The following PDGFRL variants were observed in gnomAD, a reference collection of about 807,000 sequenced individuals.
The protein encoded by PDGFRL is platelet derived growth factor receptor like.
PDGFRL carries 46 observed loss-of-function variants against 37.2 expected under a neutral mutation model. That is an observed-to-expected ratio of 1.24 (90% CI 0.98 to 1.58). The LOEUF is 1.58. PDGFRL is among the 40% of genes most tolerant of loss of function. The probability of loss-of-function intolerance (pLI) is 0.00; values close to 1 mark genes in which losing one functional copy is unlikely to be tolerated. For missense variants in PDGFRL, 692 were observed against 467.6 expected (o/e 1.48, Z -4.43); for synonymous variants, 251 against 184.3 (o/e 1.36, Z -2.93).
chr8:17,620,666 A>G (rs2588107), intron 2 of PDGFRL, among the ~76,000 whole-genome samples: 70,039 of 152,032 alleles, frequency 0.46, 16,475 homozygotes, highest in African/African-American at 0.58. Flanking sequence ...ATCACTGCAT[A>G]AAATATGAAA....
At chr8:17,579,927 G>A (rs1042574034) in intron 1 of PDGFRL, among the ~76,000 whole-genome samples, 2 of 152,080 alleles carry the variant, frequency 1.3e-5, no homozygotes, top group Non-Finnish European at 2.9e-5. Context: ...CATAGCACCT[G>A]ATTTTCAGCA....
intron 2 of PDGFRL, among the ~76,000 whole-genome samples, chr8:17,614,272 T>C (rs892632961): frequency 2.0e-5 from 3 of 152,224 alleles, no homozygotes; most frequent in African/African-American, 7.2e-5. Flanking sequence ...ATGCATATTT[T>C]TTCTTTCTTT....
chr8:17,584,806 C>G (rs987235402), intron 1 of PDGFRL, among the ~76,000 whole-genome samples: 1 of 151,060 alleles, frequency 6.6e-6, no homozygotes, highest in Non-Finnish European at 1.5e-5. Context: ...GTTCTTGGAT[C>G]TCGTGTAAGA....
intron 2 of PDGFRL, among the ~76,000 whole-genome samples, chr8:17,618,721 T>G (rs1804576465): frequency 6.6e-6 from 1 of 152,112 alleles, no homozygotes; most frequent in African/African-American, 2.4e-5. Flanking sequence ...CTCAATTCGC[T>G]CATGTTTAGG....
chr8:17,634,661 C>T (rs575746979), intron 5 of PDGFRL, among the ~76,000 whole-genome samples: 1 of 152,240 alleles, frequency 6.6e-6, no homozygotes, highest in East Asian at 1.9e-4. Flanking sequence ...AGATCATGTC[C>T]TTTGCAGGAA....
At chr8:17,627,989 CTTT>C (rs35707610) in intron 3 of PDGFRL, among the ~76,000 whole-genome samples, 1 of 89,248 alleles carries the variant, frequency 1.1e-5, no homozygotes, top group Non-Finnish European at 2.0e-5. Context: ...TTCTTTCTTT[CTTT>C]TTTTTTTTTT....
chr8:17,597,045 A>G (rs1804069054), intron 2 of PDGFRL, among the ~76,000 whole-genome samples: 1 of 152,026 alleles, frequency 6.6e-6, no homozygotes, highest in South Asian at 2.1e-4. Context: ...TTTTTTGGCA[A>G]AGTCTTGCTC....
chr8:17,595,707 C>T (rs562306017), intron 2 of PDGFRL, among the ~76,000 whole-genome samples: 45 of 152,290 alleles, frequency 3.0e-4, no homozygotes, highest in African/African-American at 1.0e-3. Flanking sequence ...GGCCTCTAGC[C>T]CTGTGGTGGG....
chr8:17,606,948 T>A (rs867685893), intron 2 of PDGFRL, among the ~76,000 whole-genome samples: 2 of 142,844 alleles, frequency 1.4e-5, no homozygotes, highest in South Asian at 2.2e-4. Context: ...CAGGCTGGAG[T>A]GCAGTGGTGC....
chr8:17,580,645 C>T (rs567501584), intron 1 of PDGFRL, among the ~76,000 whole-genome samples: 5 of 152,240 alleles, frequency 3.3e-5, no homozygotes, highest in African/African-American at 1.2e-4. Flanking sequence ...TGGTAAGTGG[C>T]ATCGAGAATC....
chr8:17,627,959 G>C (rs1048254831), intron 3 of PDGFRL, among the ~76,000 whole-genome samples: 1 of 142,480 alleles, frequency 7.0e-6, no homozygotes, highest in Non-Finnish European at 1.5e-5. Flanking sequence ...ATCTGGGCTT[G>C]TACTGATACC....
chr8:17,592,937 CA>C (rs1803973805), intron 2 of PDGFRL, among the ~76,000 whole-genome samples: 1 of 142,942 alleles, frequency 7.0e-6, no homozygotes, highest in Admixed American at 7.1e-5. Context: ...CACACACACA[CA>C]CACACACACA....
chr8:17,625,437 A>T (rs542021496), intron 3 of PDGFRL, among the ~76,000 whole-genome samples: 1 of 140,494 alleles, frequency 7.1e-6, no homozygotes, highest in East Asian at 2.1e-4. Flanking sequence ...GGCGTGAGCC[A>T]CTGCACCTGG....
chr8:17,583,632 AG>A (rs1236079372), intron 1 of PDGFRL, among the ~76,000 whole-genome samples: 3 of 152,116 alleles, frequency 2.0e-5, no homozygotes, highest in Non-Finnish European at 1.5e-5. Context: ...TTTGATCACC[AG>A]TGTTGGTGGT....
In PDGFRL at chr8:17,606,021, T is replaced by C. The variant is rs564802927; in HGVS notation, c.354-15030T>C. Reference sequence around the variant, plus strand: ...AGTGGGCTCCCAGCCAGGCTCATCATGTCATCCAGCATCTGGAGGGAGAGT... The same window carrying C: ...AGTGGGCTCCCAGCCAGGCTCATCACGTCATCCAGCATCTGGAGGGAGAGT... On this transcript the variant is annotated intron_variant, in intron 2 of 5. Coordinates refer to ENST00000251630, the MANE Select transcript of PDGFRL (RefSeq NM_001372073.1). 5.9e-5 allele frequency among the ~76,000 whole-genome samples: 9 copies of C among 152,266 alleles called. No individual in the cohort carries two copies. The South Asian group carries it at 1.9e-3, about 32-fold the overall frequency.
intron 1 of PDGFRL, among the ~76,000 whole-genome samples, chr8:17,586,251 G>C (rs374886176): frequency 2.6e-5 from 4 of 152,184 alleles, no homozygotes; most frequent in African/African-American, 7.2e-5. Flanking sequence ...GCTGCACCCA[G>C]CTGGAGATGA....
intron 5 of PDGFRL, among the ~76,000 whole-genome samples, chr8:17,635,861 T>C (rs761162834): frequency 6.6e-6 from 1 of 152,240 alleles, no homozygotes; most frequent in Non-Finnish European, 1.5e-5. Flanking sequence ...GATTTGCATT[T>C]CCCTAATCAT....
At chr8:17,613,294 C>T (rs1251753506) in intron 2 of PDGFRL, among the ~76,000 whole-genome samples, 1 of 152,166 alleles carries the variant, frequency 6.6e-6, no homozygotes, top group Non-Finnish European at 1.5e-5. Context: ...GGGATATACG[C>T]TTCTCATTTT....
chr8:17,626,132 TA>T (rs1804729168), intron 3 of PDGFRL, among the ~76,000 whole-genome samples: 1 of 152,276 alleles, frequency 6.6e-6, no homozygotes, highest in Non-Finnish European at 1.5e-5. Flanking sequence ...CTTGCAATCA[TA>T]AAATCCTAAA....
Sources: allele counts gnomAD v4.1 joint callset (sites outside exome capture counted in the v4.1 genomes callset), GRCh38; gene constraint gnomAD v4.1.1; transcripts MANE v1.5; gene names NCBI Gene and HGNC (gene_info 2026-07-23, HGNC 2026-07-21).